Variants in TRAK1 observed in about 807,000 individuals in gnomAD.
TRAK1 encodes the protein trafficking kinesin protein 1, also known as trafficking kinesin-binding protein 1.
Under a neutral mutation model 92.1 loss-of-function variants are expected in TRAK1, and 33 were observed. The observed-to-expected ratio is 0.36, with a 90% confidence interval of 0.27 to 0.48. The LOEUF (loss-of-function observed/expected upper bound fraction) is 0.48, where lower values mean the gene tolerates loss of function less well. Among genes scored for constraint, TRAK1 ranks in the 20% least tolerant of loss-of-function variants. The probability of loss-of-function intolerance (pLI) is 0.99; values close to 1 mark genes in which losing one functional copy is unlikely to be tolerated. For missense variants in TRAK1, 1,123 were observed against 1,257.9 expected, an observed-to-expected ratio of 0.89 and a Z score of 1.62; for synonymous variants, 521 against 517.3, an observed-to-expected ratio of 1.01 and a Z score of -0.10.
intron 1 of TRAK1, among the ~76,000 whole-genome samples, chr3:42,052,482 C>G (rs1045357123): frequency 6.6e-6 from 1 of 152,236 alleles, no homozygotes; most frequent in Non-Finnish European, 1.5e-5. Flanking sequence ...GTAGTCTTAT[C>G]TGAGGCTTCC....
chr3:42,107,816 CTAAAGTA>C (rs1707796755), intron 1 of TRAK1, among the ~76,000 whole-genome samples: 1 of 151,824 alleles, frequency 6.6e-6, no homozygotes, highest in African/African-American at 2.4e-5. Flanking sequence ...TTATTTTTCT[CTAAAGTA>C]TAAGAAGTTC....
At chr3:42,060,344 G>A (rs1703378006) in intron 1 of TRAK1, among the ~76,000 whole-genome samples, 1 of 151,798 alleles carries the variant, frequency 6.6e-6, no homozygotes, top group African/African-American at 2.4e-5. Context: ...TGGGGGGTGG[G>A]GGGTGGTGGT....
chr3:42,223,558 C>T lies in TRAK1; in HGVS notation c.2683C>T (p.Pro895Ser). 3 of 1,613,856 alleles carry T rather than the reference C, an allele frequency of 1.9e-6. No homozygotes were observed. The highest frequency in any genetic ancestry group is 2.5e-6 in the Non-Finnish European group (3 of 1,179,978). ...VPRGLVPEGLPLRCPTVTSAI... is the reference protein window; with the variant it reads ...VPRGLVPEGLSLRCPTVTSAI... ...CAGAGGCCTGGTACCTGAGGGCCTG[C>T]CCCTCAGATGCCCCACTGTCACCAG... Residue 895 changes from proline to serine, a missense_variant, in exon 16 of 16, where the codon CCC (proline) becomes TCC (serine). Transcript: ENST00000327628. The surrounding 1 kb of genome is among the most constrained non-coding windows in gnomAD (Gnocchi z 6.1).
chr3:42,144,823 A>G (rs1699133422), intron 2 of TRAK1, among the ~76,000 whole-genome samples: 2 of 152,370 alleles, frequency 1.3e-5, no homozygotes, highest in South Asian at 4.1e-4. Flanking sequence ...ATTTGCAAAG[A>G]GATGGCTAGG....
intron 1 of TRAK1, among the ~76,000 whole-genome samples, chr3:42,104,454 C>T (rs113712414): frequency 0.11 from 17,088 of 152,016 alleles, 1,140 homozygotes; most frequent in African/African-American, 0.18. Flanking sequence ...CAGTAGGGGC[C>T]GACTGACACC....
chr3:42,202,866 G>T lies in TRAK1; in HGVS notation c.1744+114G>T. 6.7e-7 allele frequency: 1 copy of T among 1,493,448 alleles called. No homozygotes were observed. The highest frequency in any genetic ancestry group is 8.9e-7 in the Non-Finnish European group (1 of 1,119,478). The allele number at this position is 1,493,448 out of a possible 1,614,324, so 92.5% of individuals were successfully genotyped here. On this transcript the variant is annotated intron_variant, in intron 13 of 15. Transcript: ENST00000327628. This position sits in a 1 kb window ranked among gnomAD's most constrained non-coding sequence, Gnocchi z 6.1. Reference sequence around the variant, plus strand: ...TCACGCCTACTCCTTTTTCTTCCGCGACAGCCACCCGCGCTGCTGGTTTGA... The same window carrying T: ...TCACGCCTACTCCTTTTTCTTCCGCTACAGCCACCCGCGCTGCTGGTTTGA...
chr3:42,053,382 G>T (rs1178510722), intron 1 of TRAK1, among the ~76,000 whole-genome samples: 4 of 142,834 alleles, frequency 2.8e-5, no homozygotes, highest in African/African-American at 7.4e-5. Context: ...GGGTGGGGGG[G>T]GGGGGCGGGG....
chr3:42,043,615 T>TGG lies in TRAK1; in HGVS notation c.-519+29507_-519+29508dup, dbSNP rs140206820. The stretch of plus-strand genomic sequence containing the variant: ...CTGTGTCTTGTTTTCTCCATGGAGC[T>TGG]GGGGGGGGGGCGGGGGGAGTAAAGG... On this transcript the variant is annotated intron_variant, in intron 1 of 16. Coordinates refer to the TRAK1 transcript ENST00000487159. Among the ~76,000 whole-genome samples, 1,181 of 135,914 alleles carry TGG rather than the reference T, an allele frequency of 8.7e-3. 8 individuals are homozygous for TGG. The highest frequency in any genetic ancestry group is 0.03 in the Middle Eastern group (8 of 266). 89.2% of individuals were successfully genotyped at this position (135,914 alleles called of 152,430 possible). A position where few individuals can be genotyped will look rare whatever the true frequency, so the allele number is the denominator to read the frequency against.
chr3:42,146,372 A>T (rs1232915033), intron 2 of TRAK1: 2 of 258,646 alleles, frequency 7.7e-6, no homozygotes, highest in African/African-American at 4.6e-5. Flanking sequence ...TATCATCCAT[A>T]GTTTCATAGA....
intron 1 of TRAK1, among the ~76,000 whole-genome samples, chr3:42,099,985 G>T (rs1308420926): frequency 6.6e-6 from 1 of 152,024 alleles, no homozygotes; most frequent in Non-Finnish European, 1.5e-5. Flanking sequence ...CCATCTAGTG[G>T]GCCAGAGATG....
intron 1 of TRAK1, among the ~76,000 whole-genome samples, chr3:42,031,619 C>T (rs987053651): frequency 1.1e-5 from 1 of 94,560 alleles, no homozygotes; most frequent in Admixed American, 1.4e-4. Context: ...GGGGACAGAG[C>T]GAGACCTTGT....
At chr3:42,075,340 CAAAAAAA>C (rs60881113) in intron 1 of TRAK1, among the ~76,000 whole-genome samples, 13 of 71,074 alleles carry the variant, frequency 1.8e-4, no homozygotes, top group South Asian at 5.0e-4. Flanking sequence ...GACTCAGTCT[CAAAAAAA>C]AAAAAAAAAA....
chr3:42,019,233 G>A (rs1701644894), intron 1 of TRAK1, among the ~76,000 whole-genome samples: 1 of 152,088 alleles, frequency 6.6e-6, no homozygotes, highest in Admixed American at 6.6e-5. Flanking sequence ...CAGAACCACG[G>A]GATTTTAGAA....
upstream of TRAK1, among the ~76,000 whole-genome samples, chr3:42,085,819 G>A (rs1036987271): frequency 6.6e-6 from 1 of 152,160 alleles, no homozygotes; most frequent in Non-Finnish European, 1.5e-5. Flanking sequence ...TATTGTAATA[G>A]AAATTGAAAC....
chr3:42,201,972 A>G (rs67001364), intron 12 of TRAK1, among the ~76,000 whole-genome samples: 16,266 of 151,778 alleles, frequency 0.11, 980 homozygotes, highest in Non-Finnish European at 0.14. Context: ...GACTTAATAA[A>G]ATTGATTCTT....
At chr3:42,180,752 A>T (rs1282724350) in intron 3 of TRAK1, among the ~76,000 whole-genome samples, 1 of 152,038 alleles carries the variant, frequency 6.6e-6, no homozygotes, top group African/African-American at 2.4e-5. Flanking sequence ...CACTTCAAGC[A>T]TGTATCATTC....
chr3:42,032,490 A>C (rs533986377), intron 1 of TRAK1, among the ~76,000 whole-genome samples: 1 of 151,958 alleles, frequency 6.6e-6, no homozygotes, highest in South Asian at 2.1e-4. Flanking sequence ...GAAAAAAAAA[A>C]AAAAAACCAT....
intron 1 of TRAK1, among the ~76,000 whole-genome samples, chr3:42,022,605 C>A (rs1031582776): frequency 3.9e-5 from 6 of 151,914 alleles, no homozygotes; most frequent in Admixed American, 2.0e-4. Context: ...CCCAGTAGTC[C>A]CAGCTGTCTG....
intron 2 of TRAK1, among the ~76,000 whole-genome samples, chr3:42,163,852 C>T (rs1446377671): frequency 6.6e-6 from 1 of 152,156 alleles, no homozygotes; most frequent in African/African-American, 2.4e-5. Context: ...CCTCATACTC[C>T]AAGAAATCAT....
Sources: allele counts gnomAD v4.1 joint callset (sites outside exome capture counted in the v4.1 genomes callset), GRCh38; gene constraint gnomAD v4.1.1; non-coding constraint Gnocchi (gnomAD v3.1); transcripts MANE v1.5; gene names NCBI Gene and HGNC (gene_info 2026-07-23, HGNC 2026-07-21).